Variants in KIAA1217 observed in about 807,000 individuals in gnomAD.
KIAA1217 encodes KIAA1217.
KIAA1217 carries 88 observed loss-of-function variants against 163.9 expected under a neutral mutation model. The observed-to-expected ratio is 0.54, with a 90% CI of 0.45 to 0.64. KIAA1217 has a LOEUF of 0.64. KIAA1217 is among the 30% of genes least tolerant of loss of function. The pLI, the probability that KIAA1217 is intolerant of heterozygous loss-of-function variation, is 0.00. For missense variants in KIAA1217, 2,372 were observed against 2,475.0 expected (o/e 0.96, Z 0.88); for synonymous variants, 903 against 923.1 (o/e 0.98, Z 0.39).
intron 2 of KIAA1217, among the ~76,000 whole-genome samples, chr10:24,097,524 C>G (rs934804488): frequency 1.3e-5 from 2 of 151,870 alleles, no homozygotes; most frequent in Non-Finnish European, 2.9e-5. Context: ...GCCTGGGCAA[C>G]AGGATGAGAC....
chr10:24,199,772 G>A (rs1358838898), intron 2 of KIAA1217, among the ~76,000 whole-genome samples: 9 of 152,108 alleles, frequency 5.9e-5, no homozygotes, highest in Non-Finnish European at 1.2e-4. Context: ...AACTGACCAC[G>A]TGAATGTCCT....
intron 3 of KIAA1217, among the ~76,000 whole-genome samples, chr10:24,431,099 T>C (rs1460832275): frequency 6.6e-6 from 1 of 152,242 alleles, no homozygotes; most frequent in Non-Finnish European, 1.5e-5. Flanking sequence ...TGTCTACTGT[T>C]AGTTCCTCTC....
At chr10:24,404,364 G>C (rs970144874) in intron 3 of KIAA1217, among the ~76,000 whole-genome samples, 4 of 152,066 alleles carry the variant, frequency 2.6e-5, no homozygotes, top group African/African-American at 4.8e-5. Flanking sequence ...GTCGGGAGAT[G>C]GAGACCCTCC....
At chr10:24,125,548 G>A (rs967949788) in intron 2 of KIAA1217, among the ~76,000 whole-genome samples, 1 of 151,644 alleles carries the variant, frequency 6.6e-6, no homozygotes, top group Non-Finnish European at 1.5e-5. Flanking sequence ...CTTCTCTGTG[G>A]TCATGTCACT....
At chr10:23,986,192 C>G (rs1845961030) in intron 1 of KIAA1217, among the ~76,000 whole-genome samples, 1 of 152,182 alleles carries the variant, frequency 6.6e-6, no homozygotes, top group African/African-American at 2.4e-5. Flanking sequence ...AAAACTGTGC[C>G]TCGAGCATAT....
chr10:23,789,908 TACATATGCATATACATGTATATATAC>T (rs1484243329), intron 1 of KIAA1217, among the ~76,000 whole-genome samples: 1 of 141,418 alleles, frequency 7.1e-6, no homozygotes, highest in East Asian at 2.0e-4. Flanking sequence ...TATATACATA[TACATATGCATATACATGTATATATAC>T]ACATATACAT....
upstream of KIAA1217, among the ~76,000 whole-genome samples, chr10:24,205,344 A>G (rs1210339187): frequency 7.1e-6 from 1 of 141,778 alleles, no homozygotes; most frequent in Non-Finnish European, 1.5e-5. Flanking sequence ...GCGTGGTGGC[A>G]CATGCCTGTA....
chr10:24,503,944 G>A (rs1290220869), intron 9 of KIAA1217, among the ~76,000 whole-genome samples: 1 of 152,222 alleles, frequency 6.6e-6, no homozygotes, highest in Non-Finnish European at 1.5e-5. Flanking sequence ...TTGTTGGTTT[G>A]GGGACAGGGA....
chr10:24,350,079 T>C (rs2133993829), intron 2 of KIAA1217, among the ~76,000 whole-genome samples: 1 of 152,316 alleles, frequency 6.6e-6, no homozygotes, highest in East Asian at 1.9e-4. Flanking sequence ...TGGTATAAAT[T>C]GCTTTTGTTT....
intron 1 of KIAA1217, among the ~76,000 whole-genome samples, chr10:23,790,590 T>TATATACATATGTATATATAC (rs1297317976): frequency 7.9e-6 from 1 of 126,812 alleles, no homozygotes; most frequent in Non-Finnish European, 1.6e-5. Flanking sequence ...TATATGTACA[T>TATATACATATGTATATATAC]ATATACATGT....
intron 2 of KIAA1217, among the ~76,000 whole-genome samples, chr10:24,185,364 G>A (rs1321274303): frequency 1.5e-5 from 2 of 133,912 alleles, no homozygotes; most frequent in Non-Finnish European, 3.5e-5. Context: ...GCATCTCCTT[G>A]CAAGTCCTCG....
At chr10:23,725,834 G>A (rs185939864) in intron 1 of KIAA1217, among the ~76,000 whole-genome samples, 10 of 152,234 alleles carry the variant, frequency 6.6e-5, no homozygotes, top group Admixed American at 5.2e-4. Flanking sequence ...GAATAGTAGC[G>A]TTCCAATTCT....
At chr10:24,087,442 C>G (rs1375147252) in intron 2 of KIAA1217, among the ~76,000 whole-genome samples, 1 of 152,096 alleles carries the variant, frequency 6.6e-6, no homozygotes, top group African/African-American at 2.4e-5. Context: ...ATTTTATGTA[C>G]TTTTTAAAAT....
chr10:24,474,093 C>T lies in KIAA1217; in HGVS notation c.1679+33C>T, dbSNP rs984717863. The T allele has an allele frequency of 2.5e-5, 38 of 1,514,680 alleles. No individual in the cohort carries two copies. In the East Asian group the frequency reaches 7.5e-4, roughly 30 times the overall value. The allele number at this position is 1,514,680 out of a possible 1,614,324, so 93.8% of individuals were successfully genotyped here. On this transcript the variant is annotated intron_variant, in intron 6 of 20. Transcript: ENST00000376454. The stretch of plus-strand genomic sequence containing the variant: ...GCAGTGAGGGTGACCGAGGGTGGTA[C>T]CTGGGCCCATGTGTCACTGTGGGCA...
chr10:23,898,238 A>G (rs1841791181), intron 1 of KIAA1217, among the ~76,000 whole-genome samples: 1 of 151,934 alleles, frequency 6.6e-6, no homozygotes, highest in Non-Finnish European at 1.5e-5. Flanking sequence ...ATTGATCTCA[A>G]TTCTGATATT....
chr10:23,697,025 A>G (rs73604410), intron 1 of KIAA1217, among the ~76,000 whole-genome samples: 2,381 of 152,326 alleles, frequency 0.016, 62 homozygotes, highest in African/African-American at 0.054. Context: ...TCGAAAGTGT[A>G]TATCCTTAAA....
intron 9 of KIAA1217, among the ~76,000 whole-genome samples, chr10:24,508,173 C>T (rs971072961): frequency 6.6e-6 from 1 of 152,042 alleles, no homozygotes; most frequent in Non-Finnish European, 1.5e-5. Context: ...AAGAATAATA[C>T]ATTATCCTGG....
At chr10:23,752,907 G>T (rs1378427983) in intron 1 of KIAA1217, among the ~76,000 whole-genome samples, 1 of 152,116 alleles carries the variant, frequency 6.6e-6, no homozygotes, top group Non-Finnish European at 1.5e-5. Flanking sequence ...TTTAAGCTCT[G>T]CAAGAGCCTT....
At chr10:24,424,883 G>A (rs1013026469) in intron 3 of KIAA1217, among the ~76,000 whole-genome samples, 3 of 152,174 alleles carry the variant, frequency 2.0e-5, no homozygotes, top group Non-Finnish European at 4.4e-5. Context: ...TTATAGGTGT[G>A]AGCCACCGCG....
Sources: allele counts gnomAD v4.1 joint callset (sites outside exome capture counted in the v4.1 genomes callset), GRCh38; gene constraint gnomAD v4.1.1; transcripts MANE v1.5; gene names NCBI Gene and HGNC (gene_info 2026-07-23, HGNC 2026-07-21).